The following SEMA7A variants were observed in gnomAD, a reference collection of about 807,000 sequenced individuals.
SEMA7A encodes semaphorin-7A.
Under a neutral mutation model 67.5 loss-of-function variants are expected in SEMA7A, and 21 were observed. The observed-to-expected ratio is 0.31, with a 90% CI of 0.22 to 0.45. The LOEUF is 0.45. SEMA7A is among the 20% of genes least tolerant of loss of function. The pLI is 1.00. For synonymous variants in SEMA7A, 364 were observed against 368.5 expected (o/e 0.99, Z 0.14); for missense variants, 774 against 908.6 (o/e 0.85, Z 1.90).
At position 74,414,692 on chromosome 15, in the gene SEMA7A, A is replaced by G. The variant is rs776986908; in HGVS notation, c.1149T>C (p.Arg383=). ...IPTETFQVAD[R]HPEVAQRVEP... Reference sequence around the variant, plus strand: ...CCACCCTCTGCGCCACCTCTGGGTGACGGTCAGCCACCTGGAAGGTCTCTG... The same window carrying G: ...CCACCCTCTGCGCCACCTCTGGGTGGCGGTCAGCCACCTGGAAGGTCTCTG... Residue 383 remains arginine, a synonymous_variant, in exon 10 of 14, where the codon CGT becomes CGC. Transcript: ENST00000261918. This position sits in a 1 kb window ranked among gnomAD's most constrained non-coding sequence, Gnocchi z 4.1. 1.2e-5 allele frequency: 20 copies of G among 1,613,966 alleles called. No homozygotes were observed. The highest frequency in any genetic ancestry group is 3.3e-4 in the Middle Eastern group (2 of 6,084).
At chr15:74,421,781 G>A (rs542215168) in intron 1 of SEMA7A, among the ~76,000 whole-genome samples, 3 of 152,342 alleles carry the variant, frequency 2.0e-5, no homozygotes. Context: ...AGGGGCAGGA[G>A]GGCTGCCTGG....
chr15:74,433,498 C>T lies in SEMA7A; in HGVS notation c.178+243G>A, dbSNP rs1041961155. 4 of 1,133,752 alleles carry T rather than the reference C, an allele frequency of 3.5e-6. No individual in the cohort carries two copies. The East Asian group carries it at 1.4e-4, about 41-fold the overall frequency. 70.2% of individuals were successfully genotyped at this position (1,133,752 alleles called of 1,614,324 possible). A position where few individuals can be genotyped will look rare whatever the true frequency, so the allele number is the denominator to read the frequency against. On this transcript the variant is annotated intron_variant, in intron 1 of 13. Transcript: ENST00000261918. ...GCTCCTGGCTGCCAGGGACTTGGTG[C>T]GACTTAGCCGGGGCTCCGGCCCCCG...
rs768302653 is a variant in SEMA7A, at chr15:74,414,827, G to A, written c.1095+11C>T. 5.6e-5 allele frequency: 90 copies of A among 1,613,920 alleles called. No individual in the cohort carries two copies. Among genetic ancestry groups the A allele is most frequent in the Non-Finnish European group, 6.3e-5 (74 of 1,179,888 alleles). Reference sequence around the variant, plus strand: ...GGGCTGGGCCTGGGCCACGGCTGGTGTCACGCTCACCTTGCCAGGCCGCGG... The same window carrying A: ...GGGCTGGGCCTGGGCCACGGCTGGTATCACGCTCACCTTGCCAGGCCGCGG... On this transcript the variant is annotated intron_variant, in intron 9 of 13. Coordinates refer to ENST00000261918, the MANE Select transcript of SEMA7A (RefSeq NM_003612.5). This position sits in a 1 kb window ranked among gnomAD's most constrained non-coding sequence, Gnocchi z 4.1.
chr15:74,415,462 A>C (rs2060940008), intron 8 of SEMA7A, among the ~76,000 whole-genome samples: 1 of 152,200 alleles, frequency 6.6e-6, no homozygotes. Flanking sequence ...GAGCAGGTGT[A>C]ATAGCACCCA....
At position 74,410,468 on chromosome 15, in the gene SEMA7A, G is replaced by A. The variant is rs1264788749; in HGVS notation, c.*156C>T. On this transcript the variant is annotated 3_prime_UTR_variant, in exon 14 of 14. Transcript: ENST00000261918. The surrounding 1 kb of genome is among the most constrained non-coding windows in gnomAD (Gnocchi z 7.5). Reference sequence around the variant, plus strand: ...CACCTGGGGCCCAGCAGCCGCCTGCGGCTGGACGTCTCCAGGCCTGGCATC... The same window carrying A: ...CACCTGGGGCCCAGCAGCCGCCTGCAGCTGGACGTCTCCAGGCCTGGCATC... 20 of 1,144,874 alleles carry A rather than the reference G, an allele frequency of 1.7e-5. No individual in the cohort carries two copies. Among genetic ancestry groups the A allele is most frequent in the Admixed American group, 2.6e-5 (1 of 38,554 alleles). 70.9% of individuals were successfully genotyped at this position (1,144,874 alleles called of 1,614,324 possible). A position where few individuals can be genotyped will look rare whatever the true frequency, so the allele number is the denominator to read the frequency against.
intron 2 of SEMA7A, 122 bp from the exon 3 acceptor site, chr15:74,418,431 GC>G: frequency 1.1e-6 from 1 of 942,132 alleles, no homozygotes; most frequent in Non-Finnish European, 1.6e-6. Flanking sequence ...TGACAGATGA[GC>G]AACTGGGGCT....
At chr15:74,415,674 C>A in intron 8 of SEMA7A, 127 bp downstream of exon 8, 3 of 941,656 alleles carry the variant, frequency 3.2e-6, no homozygotes, top group Non-Finnish European at 4.7e-6. Flanking sequence ...AGCAACAGCC[C>A]AGCCTCTTGA....
At chr15:74,424,267 CA>C (rs1308700769) in intron 1 of SEMA7A, among the ~76,000 whole-genome samples, 2 of 152,064 alleles carry the variant, frequency 1.3e-5, no homozygotes, top group Non-Finnish European at 2.9e-5. Flanking sequence ...GGGTGCGAGT[CA>C]GGGTGGGTGC....
At chr15:74,429,282 C>G (rs2061068216) in intron 1 of SEMA7A, among the ~76,000 whole-genome samples, 1 of 151,446 alleles carries the variant, frequency 6.6e-6, no homozygotes, top group Non-Finnish European at 1.5e-5. Flanking sequence ...GCTACTGCCC[C>G]CTGAGGGCTG....
intron 2 of SEMA7A, among the ~76,000 whole-genome samples, chr15:74,418,529 C>T (rs1195679247): frequency 6.6e-6 from 1 of 152,186 alleles, no homozygotes; most frequent in African/African-American, 2.4e-5. Context: ...CAGGCATGGG[C>T]TCTGGGGCCC....
intron 8 of SEMA7A, 142 bp from the exon 9 acceptor site, chr15:74,415,088 A>G (rs1404496206): frequency 1.5e-6 from 1 of 676,104 alleles, no homozygotes; most frequent in East Asian, 2.7e-5. Context: ...GAAGGAGAGG[A>G]GTTCAGCCTA....
chr15:74,411,963 G>A lies in SEMA7A; in HGVS notation c.1344C>T (p.Ser448=). 6.2e-7 allele frequency: 1 copy of A among 1,614,016 alleles called. No homozygotes were observed. The highest frequency in any genetic ancestry group is 2.2e-5 in the East Asian group (1 of 44,884). The change falls in exon 11 of 14, where the codon AGC becomes AGT. Residue 448 remains serine, a synonymous_variant. Transcript: ENST00000261918. The surrounding 1 kb of genome is among the most constrained non-coding windows in gnomAD (Gnocchi z 4.4). ...KVVEPGEQEH[S]FAFNIMEIQP... ...GGATCTCCATGATGTTGAAGGCGAA[G>A]CTGTGCTCCTGCTCCCCCGGTTCCA...
At chr15:74,417,735 C>T (rs1013042589) in intron 4 of SEMA7A, 60 bp from the exon 5 acceptor site, 16 of 1,552,456 alleles carry the variant, frequency 1.0e-5, no homozygotes, top group Non-Finnish European at 1.3e-5. Flanking sequence ...CCTCCCATGA[C>T]GGCCAGTTTC....
At chr15:74,415,068 T>TGGAGAGGAGGAA in intron 8 of SEMA7A, 122 bp from the exon 9 acceptor site, 1 of 758,136 alleles carries the variant, frequency 1.3e-6, no homozygotes, top group Non-Finnish European at 2.3e-6. Context: ...TGGGGAGGGA[T>TGGAGAGGAGGAA]GGAGAGGAGG....
chr15:74,421,689 G>A (rs538349354), intron 1 of SEMA7A, among the ~76,000 whole-genome samples: 86 of 152,296 alleles, frequency 5.6e-4, no homozygotes, highest in Non-Finnish European at 9.9e-4. Flanking sequence ...GATTGTGCCC[G>A]GGAAGTGTCG....
chr15:74,414,808 G>T lies in SEMA7A; in HGVS notation c.1095+30C>A. On this transcript the variant is annotated intron_variant, in intron 9 of 13. Transcript: ENST00000261918. This position sits in a 1 kb window ranked among gnomAD's most constrained non-coding sequence, Gnocchi z 4.1. Reference sequence around the variant, plus strand: ...GGGAGGTGAGGCAGAAGGAGGGCTGGGCCTGGGCCACGGCTGGTGTCACGC... The same window carrying T: ...GGGAGGTGAGGCAGAAGGAGGGCTGTGCCTGGGCCACGGCTGGTGTCACGC... 1 of 1,613,958 alleles carries T rather than the reference G, an allele frequency of 6.2e-7. No homozygotes were observed. The highest frequency in any genetic ancestry group is 8.5e-7 in the Non-Finnish European group (1 of 1,179,832).
chr15:74,417,385 C>G lies in SEMA7A; in HGVS notation c.611G>C (p.Arg204Pro). 6.2e-7 allele frequency: 1 copy of G among 1,614,062 alleles called. No individual in the cohort carries two copies. The highest frequency in any genetic ancestry group is 8.5e-7 in the Non-Finnish European group (1 of 1,180,008). ...QEYNGKIPRF[R>P]RIRGESELYT... ...CAGCTCACTCTCGCCCCGGATGCGGCGGAACCGAGGGATCTTCCCATTGTA... is the reference window on the plus strand; with the variant it reads ...CAGCTCACTCTCGCCCCGGATGCGGGGGAACCGAGGGATCTTCCCATTGTA... The change falls in exon 6 of 14, where the codon CGC (arginine) becomes CCC (proline). Residue 204 changes from arginine to proline, a missense_variant. Around this residue, in one of 2 missense-constraint regions of SEMA7A, gnomAD observed 347 missense variants for 353.2 expected, o/e 0.98. Coordinates refer to ENST00000261918, the MANE Select transcript of SEMA7A (RefSeq NM_003612.5).
intron 6 of SEMA7A, among the ~76,000 whole-genome samples, 199 bp downstream of exon 6, chr15:74,417,136 G>A (rs1271730486): frequency 6.6e-6 from 1 of 152,106 alleles, no homozygotes; most frequent in African/African-American, 2.4e-5. Context: ...AAGAGGGCTG[G>A]GCCCATCCCA....
intron 3 of SEMA7A, 145 bp downstream of exon 3, chr15:74,418,123 C>T (rs147349163): frequency 9.7e-6 from 11 of 1,139,030 alleles, no homozygotes; most frequent in South Asian, 7.8e-5. Context: ...GTGCAGCTGA[C>T]GCCATCCCCT....
Sources: gnomAD v4.1 joint callset for allele counts (sites outside exome capture counted in the v4.1 genomes callset) on GRCh38, gnomAD v4.1.1 for gene constraint, gnomAD v4.1.1 regional missense constraint, Gnocchi (gnomAD v3.1) non-coding constraint, MANE v1.5 for transcripts, NCBI Gene and HGNC (gene_info 2026-07-23, HGNC 2026-07-21) for gene names.